The following TTC28 variants were observed in gnomAD, a reference collection of about 807,000 sequenced individuals.
TTC28 encodes the protein tetratricopeptide repeat protein 28.
Under a neutral mutation model 198.0 loss-of-function variants are expected in TTC28, and 61 were observed. The ratio of observed to expected loss-of-function variants is 0.31; its 90% CI spans 0.25 to 0.38. The LOEUF (loss-of-function observed/expected upper bound fraction) is 0.38, where lower values mean the gene tolerates loss of function less well. Ranked by LOEUF, TTC28 falls within the 10% of genes least tolerant of loss-of-function variation. The pLI is 1.00. For synonymous variants in TTC28, 1,171 were observed against 1,297.8 expected (o/e 0.90, Z 2.10); for missense variants, 2,678 against 3,164.0 (o/e 0.85, Z 3.69).
At chr22:28,283,739 T>G (rs925527093) in intron 5 of TTC28, among the ~76,000 whole-genome samples, 9 of 152,154 alleles carry the variant, frequency 5.9e-5, no homozygotes, top group African/African-American at 2.2e-4. Flanking sequence ...ATTTTAGAGA[T>G]AGGGTCTCAC....
chr22:28,603,501 C>T (rs975603140), intron 2 of TTC28, among the ~76,000 whole-genome samples: 1 of 152,106 alleles, frequency 6.6e-6, no homozygotes, highest in African/African-American at 2.4e-5. Context: ...GATCCTCTTG[C>T]CTCAGCCTCC....
At chr22:28,262,424 C>T (rs377346004) in intron 5 of TTC28, among the ~76,000 whole-genome samples, 3 of 152,134 alleles carry the variant, frequency 2.0e-5, no homozygotes, top group Admixed American at 6.6e-5. Flanking sequence ...GGCGGTATGG[C>T]TTCATTAAAG....
At chr22:28,512,253 C>G (rs576330135) in intron 2 of TTC28, among the ~76,000 whole-genome samples, 9 of 152,214 alleles carry the variant, frequency 5.9e-5, no homozygotes, top group African/African-American at 1.9e-4. Flanking sequence ...GATATCATAT[C>G]ACACCAGTCA....
chr22:28,303,063 T>C lies in TTC28; in HGVS notation c.529+3433A>G, dbSNP rs7291340. Among the ~76,000 whole-genome samples, 485 of 152,328 alleles carry C rather than the reference T, an allele frequency of 3.2e-3. 7 individuals carry two copies. The highest frequency in any genetic ancestry group is 0.011 in the African/African-American group (461 of 41,566). The stretch of plus-strand genomic sequence containing the variant: ...CTGGTGGAAACAACACAACAGGTGA[T>C]AGACCATAAATGTAATAGTTTTTAG... On this transcript the variant is annotated intron_variant, in intron 3 of 22. Coordinates refer to ENST00000397906, the MANE Select transcript of TTC28 (RefSeq NM_001145418.2).
chr22:28,494,020 C>G (rs535613112), intron 2 of TTC28, among the ~76,000 whole-genome samples: 34 of 152,310 alleles, frequency 2.2e-4, no homozygotes, highest in African/African-American at 7.7e-4. Context: ...ATTAATGAGA[C>G]TATCAGGGAA....
chr22:28,049,163 T>C (rs1022004905), intron 12 of TTC28, among the ~76,000 whole-genome samples: 1 of 152,136 alleles, frequency 6.6e-6, no homozygotes, highest in African/African-American at 2.4e-5. Context: ...ACAGGCTGGG[T>C]GGCCGTATAA....
intron 6 of TTC28, among the ~76,000 whole-genome samples, chr22:28,162,054 C>CTA (rs539532377): frequency 2.4e-3 from 359 of 152,276 alleles, no homozygotes; most frequent in African/African-American, 8.3e-3. Flanking sequence ...CATGTGGTGC[C>CTA]AGGCACAGGG....
At chr22:28,469,021 A>G (rs1373772895) in intron 2 of TTC28, among the ~76,000 whole-genome samples, 2 of 152,206 alleles carry the variant, frequency 1.3e-5, no homozygotes, top group South Asian at 2.1e-4. Context: ...CTAAATTAGC[A>G]ACGTTAATTA....
intron 2 of TTC28, among the ~76,000 whole-genome samples, chr22:28,368,638 TG>T (rs2046283989): frequency 1.3e-5 from 2 of 152,090 alleles, no homozygotes; most frequent in African/African-American, 4.8e-5. Context: ...ATCTTATGTT[TG>T]GAAAAACCTA....
At chr22:28,027,199 G>T (rs190847063) in intron 13 of TTC28, among the ~76,000 whole-genome samples, 11 of 152,170 alleles carry the variant, frequency 7.2e-5, no homozygotes, top group African/African-American at 2.7e-4. Flanking sequence ...TTACATGCAT[G>T]TGCTGGCCTA....
At chr22:28,057,593 G>A (rs1454404631) in intron 12 of TTC28, among the ~76,000 whole-genome samples, 3 of 152,028 alleles carry the variant, frequency 2.0e-5, no homozygotes, top group Non-Finnish European at 4.4e-5. Context: ...ATTTTGATGA[G>A]CGTAAGTTTT....
chr22:28,093,989 G>T (rs1211936740), intron 12 of TTC28, 91 bp downstream of exon 12: 1 of 1,356,702 alleles, frequency 7.4e-7, no homozygotes, highest in Non-Finnish European at 9.8e-7. Flanking sequence ...AATTCCAAAA[G>T]ATTTCTTCTG....
chr22:28,403,532 T>C (rs932808442), intron 2 of TTC28, among the ~76,000 whole-genome samples: 2 of 152,202 alleles, frequency 1.3e-5, no homozygotes, highest in Admixed American at 6.5e-5. Flanking sequence ...TTAGGTCCTC[T>C]ATACAGATAC....
intron 2 of TTC28, among the ~76,000 whole-genome samples, chr22:28,571,024 A>C (rs919809303): frequency 2.6e-5 from 4 of 152,146 alleles, no homozygotes; most frequent in Non-Finnish European, 4.4e-5. Context: ...ATTTTAGACT[A>C]CTCTTTAATT....
At chr22:28,215,564 C>T (rs1344110128) in intron 5 of TTC28, among the ~76,000 whole-genome samples, 1 of 152,092 alleles carries the variant, frequency 6.6e-6, no homozygotes, top group Non-Finnish European at 1.5e-5. Flanking sequence ...TAAAAGCAAG[C>T]TTATCTTGAC....
intron 12 of TTC28, among the ~76,000 whole-genome samples, chr22:28,037,755 A>C (rs1939426803): frequency 6.6e-6 from 1 of 152,234 alleles, no homozygotes; most frequent in South Asian, 2.1e-4. Flanking sequence ...ACATGATTGT[A>C]TATCTAGAAA....
intron 12 of TTC28, among the ~76,000 whole-genome samples, chr22:28,036,824 TGATAAAGGG>T (rs1340746322): frequency 6.6e-6 from 1 of 152,026 alleles, no homozygotes; most frequent in Admixed American, 6.6e-5. Context: ...CAATAAAAAA[TGATAAAGGG>T]GATATCACCA....
intron 5 of TTC28, among the ~76,000 whole-genome samples, chr22:28,226,045 G>C (rs1318560014): frequency 1.3e-5 from 2 of 152,208 alleles, no homozygotes; most frequent in Non-Finnish European, 2.9e-5. Context: ...TCACCTGCTA[G>C]TGGATATTTG....
At chr22:28,466,890 T>TA (rs1248394618) in intron 2 of TTC28, among the ~76,000 whole-genome samples, 1 of 151,048 alleles carries the variant, frequency 6.6e-6, no homozygotes, top group African/African-American at 2.4e-5. Flanking sequence ...CCTTGCTAAG[T>TA]AATACATTAG....
Sources: gnomAD v4.1 joint callset for allele counts (sites outside exome capture counted in the v4.1 genomes callset) on GRCh38, gnomAD v4.1.1 for gene constraint, MANE v1.5 for transcripts, NCBI Gene and HGNC (gene_info 2026-07-23, HGNC 2026-07-21) for gene names.